Variants in ARID2 observed in about 807,000 individuals in gnomAD.
ARID2 encodes AT-rich interactive domain-containing protein 2.
In ARID2, 32 loss-of-function variants were observed where a neutral mutation model predicts 184.6. The ratio of observed to expected loss-of-function variants is 0.17; its 90% confidence interval spans 0.13 to 0.23. ARID2 has a LOEUF of 0.23. ARID2 is among the 10% of genes least tolerant of loss of function. The pLI, the probability that ARID2 is intolerant of heterozygous loss-of-function variation, is 1.00. For synonymous variants in ARID2, 836 were observed against 772.6 expected, an observed-to-expected ratio of 1.08 and a Z score of -1.36; for missense variants, 1,696 against 2,197.6, an observed-to-expected ratio of 0.77 and a Z score of 4.56.
chr12:45,793,322 T>A (rs1345908372), intron 3 of ARID2, among the ~76,000 whole-genome samples: 1 of 144,302 alleles, frequency 6.9e-6, no homozygotes, highest in Non-Finnish European at 1.5e-5. Context: ...TTATTTTGTA[T>A]TTTTATCTCT....
intron 3 of ARID2, among the ~76,000 whole-genome samples, chr12:45,789,913 T>C (rs915389498): frequency 6.6e-6 from 1 of 152,120 alleles, no homozygotes; most frequent in Admixed American, 6.6e-5. Flanking sequence ...GGCCAGAAGT[T>C]GGAGAACAGT....
chr12:45,835,762 T>C (rs1165878300), intron 6 of ARID2, among the ~76,000 whole-genome samples: 1 of 151,934 alleles, frequency 6.6e-6, no homozygotes, highest in African/African-American at 2.4e-5. Flanking sequence ...TAGTTGGGCG[T>C]GGTGGCGCGT....
At chr12:45,837,831 C>A in intron 10 of ARID2, 124 bp downstream of exon 10, 1 of 728,838 alleles carries the variant, frequency 1.4e-6, no homozygotes, top group Middle Eastern at 2.7e-4. Context: ...ATTACCTCCT[C>A]AGGCATACTT....
chr12:45,905,185 T>TC lies in ARID2; in HGVS notation c.*107_*108insC. ...ATGGAACAAAGACCATAGAATGAAT[T>TC]ATTTTATCTCCTCCCATGATGCTGA... On this transcript the variant is annotated 3_prime_UTR_variant, in exon 21 of 21. Coordinates refer to ENST00000334344, the MANE Select transcript of ARID2 (RefSeq NM_152641.4). The TC allele has an allele frequency of 8.9e-7, 1 of 1,123,282 alleles. No homozygotes were observed. Among genetic ancestry groups the TC allele is most frequent in the Non-Finnish European group, 1.2e-6 (1 of 820,564 alleles). The allele number at this position is 1,123,282 out of a possible 1,614,324, so 69.6% of individuals were successfully genotyped here.
At position 45,748,302 on chromosome 12, in the gene ARID2, G is replaced by T. The variant is rs1174527212; in HGVS notation, c.284+16988G>T. ...GATACTTGGGAGGCTGAGGTGGAAG[G>T]ATTGCTTGAGCCTGGGAGGTTGAGG... On this transcript the variant is annotated intron_variant, in intron 3 of 20. Coordinates refer to ENST00000334344, the MANE Select transcript of ARID2 (RefSeq NM_152641.4). Among the ~76,000 whole-genome samples the T allele has an allele frequency of 2.0e-5, 3 of 152,256 alleles. No homozygotes were observed. The East Asian group carries it at 5.8e-4, about 29-fold the overall frequency.
At chr12:45,791,650 G>A (rs1238278260) in intron 3 of ARID2, among the ~76,000 whole-genome samples, 1 of 152,158 alleles carries the variant, frequency 6.6e-6, no homozygotes, top group African/African-American at 2.4e-5. Flanking sequence ...CTGGAGTGTA[G>A]TGGCCCAATC....
chr12:45,749,588 C>T (rs2137991775), intron 3 of ARID2, among the ~76,000 whole-genome samples: 1 of 152,314 alleles, frequency 6.6e-6, no homozygotes, highest in South Asian at 2.1e-4. Context: ...CTGAAAGTCT[C>T]AGATGGCATC....
At position 45,851,426 on chromosome 12, in the gene ARID2, G is replaced by A. The variant is rs2138170904; in HGVS notation, c.3303G>A (p.Val1101=). 1 of 1,614,128 alleles carries A rather than the reference G, an allele frequency of 6.2e-7. No individual in the cohort carries two copies. Among genetic ancestry groups the A allele is most frequent in the Non-Finnish European group, 8.5e-7 (1 of 1,179,998 alleles). The change falls in exon 15 of 21, where the codon GTG becomes GTA. Residue 1101 remains valine, a synonymous_variant. Coordinates refer to ENST00000334344, the MANE Select transcript of ARID2 (RefSeq NM_152641.4). ...RAPSPQVVYQ[V]ASNQAAGFGV... ...CTAGCCCTCAGGTGGTCTATCAGGT[G>A]GCCAGTAACCAAGCCGCAGGTTTTG...
At chr12:45,887,741 C>T (rs1233648250) in intron 16 of ARID2, among the ~76,000 whole-genome samples, 1 of 152,166 alleles carries the variant, frequency 6.6e-6, no homozygotes, top group Admixed American at 6.5e-5. Flanking sequence ...CAGGCATCTC[C>T]CTTCTGCAAG....
chr12:45,847,266 T>C (rs1943460268), intron 12 of ARID2, among the ~76,000 whole-genome samples: 1 of 152,102 alleles, frequency 6.6e-6, no homozygotes, highest in Admixed American at 6.6e-5. Context: ...GTTACAAAAT[T>C]TGTTCTTCTA....
At chr12:45,883,803 G>A (rs147927550) in intron 16 of ARID2, among the ~76,000 whole-genome samples, 1 of 152,010 alleles carries the variant, frequency 6.6e-6, no homozygotes, top group African/African-American at 2.4e-5. Flanking sequence ...ATAATTTTAT[G>A]TTCAAAGAGC....
intron 3 of ARID2, among the ~76,000 whole-genome samples, chr12:45,744,317 G>A (rs1304008284): frequency 6.6e-6 from 1 of 151,972 alleles, no homozygotes; most frequent in Non-Finnish European, 1.5e-5. Flanking sequence ...TTTATTTAAT[G>A]AGTGGTATTG....
chr12:45,805,691 C>T (rs1292474931), intron 3 of ARID2, among the ~76,000 whole-genome samples: 1 of 152,036 alleles, frequency 6.6e-6, no homozygotes, highest in East Asian at 1.9e-4. Flanking sequence ...GTTTGGTATA[C>T]ATGTTTTGTG....
intron 3 of ARID2, among the ~76,000 whole-genome samples, chr12:45,801,804 C>CAG (rs200185178): frequency 6.6e-6 from 1 of 150,376 alleles, no homozygotes; most frequent in Non-Finnish European, 1.5e-5. Flanking sequence ...GGGTGGGGGA[C>CAG]AGAGAGAGAG....
rs138252675 is a variant in ARID2, at chr12:45,893,387, T to TTCTC, written c.5148-15_5148-12dup. On this transcript the variant is annotated intron_variant, in intron 18 of 20. Coordinates refer to ENST00000334344, the MANE Select transcript of ARID2 (RefSeq NM_152641.4). ...CAGTCTGTCTGCAGTATCACGTTAA[T>TTCTC]TCTCTCTCTCTCTCTCTCTCTGATC... The TTCTC allele has an allele frequency of 3.4e-3, 5,030 of 1,463,830 alleles. 1 individual carries two copies. The highest frequency in any genetic ancestry group is 6.2e-3 in the African/African-American group (434 of 70,512). The allele number at this position is 1,463,830 out of a possible 1,614,324, so 90.7% of individuals were successfully genotyped here.
intron 16 of ARID2, among the ~76,000 whole-genome samples, chr12:45,861,463 A>G (rs1289214909): frequency 5.3e-5 from 8 of 152,178 alleles, no homozygotes; most frequent in Non-Finnish European, 1.0e-4. Context: ...CTTAGACTTG[A>G]AGGAAAACTT....
intron 16 of ARID2, among the ~76,000 whole-genome samples, chr12:45,861,986 A>G (rs983964989): frequency 6.6e-5 from 10 of 152,186 alleles, no homozygotes; most frequent in Non-Finnish European, 1.0e-4. Context: ...TATCTTTGCT[A>G]TTCATATTTT....
chr12:45,739,438 CTTTTTTTTTTTTT>C (rs71067906), intron 3 of ARID2, among the ~76,000 whole-genome samples: 1 of 90,780 alleles, frequency 1.1e-5, no homozygotes, highest in Non-Finnish European at 2.0e-5. Context: ...TATAAAGTTA[CTTTTTTTTTTTTT>C]TTTTTTTTTT....
Position 45,850,654 on chromosome 12 carries a change from A to G in ARID2, c.2531A>G (p.Asp844Gly). Residue 844 changes from aspartate (D) to glycine (G), a missense_variant, in exon 15 of 21, where the codon GAT (aspartate) becomes GGT (glycine). Around this residue, in one of 11 missense-constraint regions of ARID2, gnomAD observed 713 missense variants for 824.4 expected, o/e 0.86. Coordinates refer to ENST00000334344, the MANE Select transcript of ARID2 (RefSeq NM_152641.4). ...ACATCAGCTGGTAGCCAGTCACAAG[A>G]TACTGTTATCATAGCACCCCCACAG... is the stretch of plus-strand genomic sequence containing the variant. The part of the protein sequence containing the change: ...QQTSAGSQSQ[D>G]TVIIAPPQYV... The G allele has an allele frequency of 6.2e-7, 1 of 1,614,140 alleles. No individual in the cohort carries two copies. Among genetic ancestry groups the G allele is most frequent in the Non-Finnish European group, 8.5e-7 (1 of 1,179,998 alleles).
Sources: gnomAD v4.1 joint callset for allele counts (sites outside exome capture counted in the v4.1 genomes callset) on GRCh38, gnomAD v4.1.1 for gene constraint, gnomAD v4.1.1 regional missense constraint, MANE v1.5 for transcripts, NCBI Gene and HGNC (gene_info 2026-07-23, HGNC 2026-07-21) for gene names.